CYP7B1: variants seen among roughly 807,000 people sequenced by gnomAD.
CYP7B1 encodes cytochrome P450 7B1.
In CYP7B1, 29 loss-of-function variants were observed where a neutral mutation model predicts 42.7. The ratio of observed to expected loss-of-function variants is 0.68; its 90% CI spans 0.51 to 0.93. CYP7B1 has a LOEUF of 0.93. Among genes scored for constraint, CYP7B1 ranks in the 40% least tolerant of loss-of-function variants. CYP7B1 has a pLI of 0.00. For missense variants in CYP7B1, 655 were observed against 600.5 expected, an observed-to-expected ratio of 1.09 and a Z score of -0.95; for synonymous variants, 235 against 218.2, an observed-to-expected ratio of 1.08 and a Z score of -0.68.
intron 4 of CYP7B1, among the ~76,000 whole-genome samples, chr8:64,606,812 C>A (rs776630433): frequency 6.6e-6 from 1 of 152,110 alleles, no homozygotes; most frequent in Non-Finnish European, 1.5e-5. Flanking sequence ...TAATGAGTTG[C>A]GTTATTATCA....
chr8:64,661,193 G>A (rs1015520609), intron 1 of CYP7B1, among the ~76,000 whole-genome samples: 10 of 152,230 alleles, frequency 6.6e-5, no homozygotes, highest in Admixed American at 5.9e-4. Context: ...GGAGGTCACT[G>A]TAATTTGCAC....
chr8:64,776,376 T>G (rs74930924), intron 1 of CYP7B1, among the ~76,000 whole-genome samples: 25 of 152,212 alleles, frequency 1.6e-4, no homozygotes, highest in Middle Eastern at 3.4e-3. Flanking sequence ...TAAATACAAT[T>G]AGAAAACTTT....
Position 64,592,830 on chromosome 8 carries a change from C to A in CYP7B1, c.*3812G>T, listed in dbSNP as rs765500503. ...GAGACGGAAATTGTTTAATAATAAG[C>A]CAGTTATGTCACAGCCAGAATCTGC... is the stretch of plus-strand genomic sequence containing the variant. On this transcript the variant is annotated 3_prime_UTR_variant, in exon 6 of 6. Coordinates refer to ENST00000310193, the MANE Select transcript of CYP7B1 (RefSeq NM_004820.5). Among the ~76,000 whole-genome samples the A allele has an allele frequency of 4.6e-5, 7 of 152,136 alleles. No homozygotes were observed. Among genetic ancestry groups the A allele is most frequent in the Non-Finnish European group, 8.8e-5 (6 of 68,024 alleles).
rs144726321 is a variant in CYP7B1 at position 64,733,284 on chromosome 8, G to C, written c.122+65182C>G. Among the ~76,000 whole-genome samples the C allele has an allele frequency of 1.4e-3, 206 of 152,274 alleles. 1 individual carries two copies. Among genetic ancestry groups the C allele is most frequent in the East Asian group, 6.4e-3 (33 of 5,170 alleles). ...CCTACTATATTGAAGGATGAACAATGATCTGATGCGCTAGAGACTAAAGAG... is the reference window on the plus strand; with the variant it reads ...CCTACTATATTGAAGGATGAACAATCATCTGATGCGCTAGAGACTAAAGAG... On this transcript the variant is annotated intron_variant, in intron 1 of 5. Coordinates refer to ENST00000310193, the MANE Select transcript of CYP7B1 (RefSeq NM_004820.5).
chr8:64,624,498 T>A lies in CYP7B1; in HGVS notation c.164A>T (p.Tyr55Phe). The A allele has an allele frequency of 6.2e-7, 1 of 1,612,532 alleles. No individual in the cohort carries two copies. ...TCGTAAGTTCAGGACCACTCCAAGA[T>A]AAGGAAGCCAACCTTTTATCAATGG... is the stretch of plus-strand genomic sequence containing the variant. ...EPPLIKGWLP[Y>F]LGVVLNLRKD... The change falls in exon 2 of 6, where the codon TAT becomes TTT. Residue 55 changes from tyrosine to phenylalanine, a missense_variant. By Grantham distance (22) the Tyr-to-Phe change is conservative (BLOSUM62 3). Transcript: ENST00000310193.
chr8:64,635,527 C>T (rs1249955452), intron 1 of CYP7B1, among the ~76,000 whole-genome samples: 1 of 152,196 alleles, frequency 6.6e-6, no homozygotes, highest in African/African-American at 2.4e-5. Context: ...AATAAAGAAG[C>T]CTCTTACTCT....
intron 1 of CYP7B1, among the ~76,000 whole-genome samples, chr8:64,778,156 AG>A (rs1333696936): frequency 7.3e-6 from 1 of 136,868 alleles, no homozygotes; most frequent in Non-Finnish European, 1.6e-5. Flanking sequence ...AGAAGCAAAA[AG>A]GGTAGAACTA....
intron 1 of CYP7B1, among the ~76,000 whole-genome samples, chr8:64,767,256 A>C (rs758718955): frequency 1.3e-5 from 2 of 152,362 alleles, no homozygotes; most frequent in Non-Finnish European, 2.9e-5. Context: ...TCAGGAAGCC[A>C]TTAGGAGATT....
intron 1 of CYP7B1, among the ~76,000 whole-genome samples, chr8:64,714,245 T>A (rs1807122118): frequency 6.6e-6 from 1 of 152,236 alleles, no homozygotes; most frequent in Admixed American, 6.5e-5. Flanking sequence ...TAAACACTTC[T>A]AAATCTTAAA....
chr8:64,752,546 C>A (rs984883973), intron 1 of CYP7B1, among the ~76,000 whole-genome samples: 2 of 151,878 alleles, frequency 1.3e-5, no homozygotes, highest in Admixed American at 6.6e-5. Context: ...TGAGGAAAGA[C>A]ATATGGGATA....
chr8:64,763,258 C>T (rs1299203505), intron 1 of CYP7B1, among the ~76,000 whole-genome samples: 1 of 152,208 alleles, frequency 6.6e-6, no homozygotes, highest in African/African-American at 2.4e-5. Context: ...TCGAGCTGAA[C>T]ACTAGTTGCT....
At chr8:64,759,714 C>T (rs1266217579) in intron 1 of CYP7B1, among the ~76,000 whole-genome samples, 1 of 152,082 alleles carries the variant, frequency 6.6e-6, no homozygotes, top group African/African-American at 2.4e-5. Context: ...AACACTGAAG[C>T]TCAGAGTGGT....
chr8:64,716,344 A>G (rs1807154112), intron 1 of CYP7B1, among the ~76,000 whole-genome samples: 1 of 152,184 alleles, frequency 6.6e-6, no homozygotes, highest in Non-Finnish European at 1.5e-5. Context: ...GTTTTTATCC[A>G]AGAAGTTATC....
At chr8:64,766,230 A>T (rs566993792) in intron 1 of CYP7B1, among the ~76,000 whole-genome samples, 156 of 152,344 alleles carry the variant, frequency 1.0e-3, no homozygotes, top group African/African-American at 3.6e-3. Flanking sequence ...CCTATAAATT[A>T]TTCAATGATG....
intron 4 of CYP7B1, among the ~76,000 whole-genome samples, chr8:64,607,398 TAA>T (rs5891968): frequency 0.08 from 11,513 of 143,972 alleles, 482 homozygotes; most frequent in Non-Finnish European, 0.11. Flanking sequence ...GCTCTAGAAT[TAA>T]AAAAAAAAAA....
chr8:64,611,799 T>A (rs935602168), intron 4 of CYP7B1, among the ~76,000 whole-genome samples: 2 of 152,162 alleles, frequency 1.3e-5, no homozygotes, highest in African/African-American at 4.8e-5. Flanking sequence ...AGAGTATGTT[T>A]GCTCTTTTCA....
chr8:64,760,619 T>C (rs2129633696), intron 1 of CYP7B1, among the ~76,000 whole-genome samples: 1 of 152,180 alleles, frequency 6.6e-6, no homozygotes, highest in South Asian at 2.1e-4. Context: ...TCACCAATCA[T>C]CTGAGAAATG....
At chr8:64,618,093 G>C (rs1359094931) in intron 2 of CYP7B1, among the ~76,000 whole-genome samples, 1 of 149,758 alleles carries the variant, frequency 6.7e-6, no homozygotes, top group Non-Finnish European at 1.5e-5. Context: ...GCTCTGGGGA[G>C]AGCAAAAAGG....
chr8:64,755,275 T>TA (rs1807790658), intron 1 of CYP7B1, among the ~76,000 whole-genome samples: 1 of 152,214 alleles, frequency 6.6e-6, no homozygotes, highest in African/African-American at 2.4e-5. Context: ...TTCATATGAT[T>TA]AGTGAAAGGA....
Sources: gnomAD v4.1 joint callset for allele counts (sites outside exome capture counted in the v4.1 genomes callset) on GRCh38, gnomAD v4.1.1 for gene constraint, MANE v1.5 for transcripts, NCBI Gene and HGNC (gene_info 2026-07-23, HGNC 2026-07-21) for gene names.